The following FNIP2 variants were observed in gnomAD, a reference collection of about 807,000 sequenced individuals.
FNIP2 encodes the protein folliculin interacting protein 2, also known as folliculin-interacting protein 2.
A neutral mutation model predicts 108.7 loss-of-function variants in FNIP2; 32 were observed. That is an observed-to-expected ratio of 0.29 (90% confidence interval 0.22 to 0.40). The LOEUF is 0.40. Ranked by LOEUF, FNIP2 falls within the 10% of genes least tolerant of loss-of-function variation. FNIP2 has a pLI of 1.00. For synonymous variants in FNIP2, 480 were observed against 496.7 expected (o/e 0.97, Z 0.45); for missense variants, 1,202 against 1,381.6 (o/e 0.87, Z 2.06).
chr4:158,824,445 C>T (rs1444383892), intron 1 of FNIP2, among the ~76,000 whole-genome samples: 2 of 152,184 alleles, frequency 1.3e-5, no homozygotes, highest in Non-Finnish European at 2.9e-5. Flanking sequence ...CTAAGCAAGG[C>T]CCCCTTTCAC....
At chr4:158,829,720 G>A (rs1778360258) in intron 3 of FNIP2, among the ~76,000 whole-genome samples, 1 of 151,832 alleles carries the variant, frequency 6.6e-6, no homozygotes, top group African/African-American at 2.4e-5. Context: ...GGGTGTGTGT[G>A]TGTGTGTGTG....
Position 158,832,132 on chromosome 4 carries a change from C to G in FNIP2, c.548C>G (p.Thr183Arg), listed in dbSNP as rs1778519792. The G allele has an allele frequency of 6.2e-7, 1 of 1,612,830 alleles. No individual in the cohort carries two copies. Among genetic ancestry groups the G allele is most frequent in the African/African-American group, 1.3e-5 (1 of 74,864 alleles). Residue 183 changes from threonine (T) to arginine (R), a missense_variant, in exon 5 of 17, where the codon ACA becomes AGA. Physicochemically the swap from Thr to Arg is moderately conservative, Grantham distance 71 (BLOSUM62 -1). This residue lies in a region of FNIP2 where 878 missense variants were observed against 990.3 expected (regional missense o/e 0.89). Coordinates refer to ENST00000264433, the MANE Select transcript of FNIP2 (RefSeq NM_020840.3). Reference protein sequence around the residue: ...SARMGSFCGSTNNLQDSFEYI... With the variant: ...SARMGSFCGSRNNLQDSFEYI... ...AGAATGGGCAGCTTCTGTGGAAGTACAAATAAGTAAGTGTAGGATTTTGCA... is the reference window on the plus strand; with the variant it reads ...AGAATGGGCAGCTTCTGTGGAAGTAGAAATAAGTAAGTGTAGGATTTTGCA...
At chr4:158,853,498 G>A (rs1779812683) in intron 8 of FNIP2, among the ~76,000 whole-genome samples, 1 of 152,080 alleles carries the variant, frequency 6.6e-6, no homozygotes, top group African/African-American at 2.4e-5. Flanking sequence ...TTTACATTAG[G>A]TATATCTCCT....
At chr4:158,891,393 CCTTTTGGACT>C in intron 14 of FNIP2, 43 bp from the exon 15 acceptor site, 2 of 1,503,484 alleles carry the variant, frequency 1.3e-6, no homozygotes, top group Non-Finnish European at 1.8e-6. Context: ...GAAACTTTGA[CCTTTTGGACT>C]CACCTGGATA....
intron 1 of FNIP2, among the ~76,000 whole-genome samples, chr4:158,777,054 C>G (rs945250121): frequency 3.3e-5 from 5 of 152,126 alleles, no homozygotes; most frequent in Non-Finnish European, 5.9e-5. Context: ...CTAAAAAAAC[C>G]TTTAAGAAGA....
intron 1 of FNIP2, among the ~76,000 whole-genome samples, chr4:158,785,710 CTT>C (rs11399957): frequency 6.9e-5 from 10 of 144,098 alleles, no homozygotes; most frequent in Admixed American, 1.4e-4. Flanking sequence ...TTCTTTCTTT[CTT>C]TTTTTTTTTT....
intron 14 of FNIP2, chr4:158,872,265 C>T (rs907586459): frequency 6.1e-6 from 6 of 985,400 alleles, no homozygotes; most frequent in Non-Finnish European, 7.2e-6. Context: ...TAAAACCATT[C>T]ATGAAATATT....
At chr4:158,873,353 G>T (rs1046188717) in intron 14 of FNIP2, among the ~76,000 whole-genome samples, 5 of 151,448 alleles carry the variant, frequency 3.3e-5, no homozygotes, top group Non-Finnish European at 5.9e-5. Flanking sequence ...AAATGTGGTG[G>T]TTTTTTTTGT....
In FNIP2 at chr4:158,904,449, C is replaced by G; in HGVS notation, c.3267-17C>G. ...TGCTCTTTTAAAGTAATATTCTTTT[C>G]TTTTCTCAATATTCAGGATTGAATC... On this transcript the variant is annotated splice_polypyrimidine_tract_variant and intron_variant, in intron 16 of 16. Coordinates refer to ENST00000264433, the MANE Select transcript of FNIP2 (RefSeq NM_020840.3). 6.2e-7 allele frequency: 1 copy of G among 1,600,128 alleles called. No homozygotes were observed. Among genetic ancestry groups the G allele is most frequent in the Non-Finnish European group, 8.6e-7 (1 of 1,168,760 alleles).
rs1367452470 is a variant in FNIP2, at chr4:158,776,499, T to C, written c.107+7180T>C. On this transcript the variant is annotated intron_variant, in intron 1 of 16. Transcript: ENST00000264433. The stretch of plus-strand genomic sequence containing the variant: ...TTTTTTGTCTTATAGTCAAAACCTT[T>C]GGGGTTATGGGGGGAAAAGTATGTT... 2.6e-5 allele frequency among the ~76,000 whole-genome samples: 4 copies of C among 152,182 alleles called. No homozygotes were observed. The East Asian group carries it at 7.7e-4, about 29-fold the overall frequency.
intron 7 of FNIP2, among the ~76,000 whole-genome samples, chr4:158,844,306 A>G (rs1483855710): frequency 6.6e-6 from 1 of 152,230 alleles, no homozygotes; most frequent in African/African-American, 2.4e-5. Context: ...ATCCATATAT[A>G]TAAGTAGGAG....
chr4:158,904,380 TAATA>T, intron 16 of FNIP2, 82 bp from the exon 17 acceptor site: 1 of 1,224,502 alleles, frequency 8.2e-7, no homozygotes, highest in Non-Finnish European at 1.2e-6. Context: ...TACCTAGAAA[TAATA>T]CTTTCTCATA....
chr4:158,872,322 T>G, intron 14 of FNIP2: 2 of 985,472 alleles, frequency 2.0e-6, no homozygotes, highest in Non-Finnish European at 2.4e-6. Context: ...GTGTTAGATT[T>G]TCATGGTGAC....
At chr4:158,883,432 G>C (rs577055780) in intron 14 of FNIP2, among the ~76,000 whole-genome samples, 150 of 152,094 alleles carry the variant, frequency 9.9e-4, no homozygotes, top group Middle Eastern at 3.4e-3. Context: ...TAGTAGAGAC[G>C]GGGTTTCACC....
At chr4:158,857,413 G>A (rs1780046266) in intron 8 of FNIP2, among the ~76,000 whole-genome samples, 1 of 152,162 alleles carries the variant, frequency 6.6e-6, no homozygotes, top group African/African-American at 2.4e-5. Context: ...GAAGTTCTAA[G>A]GAAACCTCAA....
chr4:158,786,317 A>G (rs191369994), intron 1 of FNIP2, among the ~76,000 whole-genome samples: 1 of 152,278 alleles, frequency 6.6e-6, no homozygotes, highest in East Asian at 1.9e-4. Context: ...TAAATATTCT[A>G]CTGGCTTCAT....
chr4:158,875,791 G>T (rs1382217360), intron 14 of FNIP2, among the ~76,000 whole-genome samples: 1 of 151,806 alleles, frequency 6.6e-6, no homozygotes, highest in African/African-American at 2.4e-5. Context: ...AGTGCCTCAG[G>T]CCTCTAGCAC....
chr4:158,801,350 G>C (rs137905137), intron 1 of FNIP2, among the ~76,000 whole-genome samples: 81 of 152,304 alleles, frequency 5.3e-4, no homozygotes, highest in Non-Finnish European at 9.7e-4. Context: ...GAATTAGTGA[G>C]AATCTAAACA....
chr4:158,817,003 G>A (rs951586379), intron 1 of FNIP2, among the ~76,000 whole-genome samples: 2 of 151,986 alleles, frequency 1.3e-5, no homozygotes, highest in Non-Finnish European at 2.9e-5. Flanking sequence ...GGGGTTTTTT[G>A]TTTTGTTTTT....
Sources: allele counts gnomAD v4.1 joint callset (sites outside exome capture counted in the v4.1 genomes callset), GRCh38; gene constraint gnomAD v4.1.1; regional missense constraint gnomAD v4.1.1; transcripts MANE v1.5; gene names NCBI Gene and HGNC (gene_info 2026-07-23, HGNC 2026-07-21).